The following DOK3 variants were observed in gnomAD, a reference collection of about 807,000 sequenced individuals.
DOK3 encodes the protein Dok-like protein.
A neutral mutation model predicts 26.2 loss-of-function variants in DOK3; 23 were observed. That is an observed-to-expected ratio of 0.88 (90% confidence interval 0.63 to 1.24). DOK3 has a LOEUF of 1.24. DOK3 is among the 50% of genes most tolerant of loss of function. DOK3 has a pLI of 0.00. For missense variants in DOK3, 619 were observed against 610.6 expected, an observed-to-expected ratio of 1.01 and a Z score of -0.15; for synonymous variants, 268 against 268.2, an observed-to-expected ratio of 1.00 and a Z score of 0.01.
chr5:177,507,394 G>A (rs1022198078), intron 3 of DOK3, among the ~76,000 whole-genome samples: 11 of 152,234 alleles, frequency 7.2e-5, no homozygotes, highest in Admixed American at 6.5e-4. Flanking sequence ...TCAGCTGATG[G>A]CCATGTAGGC....
At chr5:177,506,332 CTT>C (rs56332126) in intron 3 of DOK3, among the ~76,000 whole-genome samples, 4 of 140,962 alleles carry the variant, frequency 2.8e-5, no homozygotes, top group Admixed American at 7.1e-5. Context: ...AACCATCTTA[CTT>C]TTTTTTTTTT....
chr5:177,503,269 G>C lies in DOK3; in HGVS notation c.*714C>G. On this transcript the variant is annotated 3_prime_UTR_variant, in exon 6 of 6. Coordinates refer to ENST00000510898, the MANE Select transcript of DOK3 (RefSeq NM_001308236.3). ...CCAAGGCTGTCCTGAACACGGCTGT[G>C]TCCCCCAGCGCCTGGCACTGAGTAG... The C allele has an allele frequency of 2.6e-6, 4 of 1,551,224 alleles. No homozygotes were observed. The highest frequency in any genetic ancestry group is 2.6e-6 in the Non-Finnish European group (3 of 1,146,540).
chr5:177,504,704 G>C (rs772978458), intron 5 of DOK3, 39 bp downstream of exon 5: 5 of 1,613,840 alleles, frequency 3.1e-6, no homozygotes, highest in Non-Finnish European at 4.2e-6. Flanking sequence ...GAGGGTCCAG[G>C]GTGTCAGCCC....
In DOK3 at chr5:177,509,484, C is replaced by G; in HGVS notation, c.57G>C (p.Lys19Asn). 1 of 1,609,112 alleles carries G rather than the reference C, an allele frequency of 6.2e-7. No homozygotes were observed. The highest frequency in any genetic ancestry group is 8.5e-7 in the Non-Finnish European group (1 of 1,177,566). Residue 19 changes from lysine (K) to asparagine (N), a missense_variant, in exon 2 of 6, where the codon AAG becomes AAC. By Grantham distance (94) the Lys-to-Asn change is moderately conservative (BLOSUM62 0). Transcript: ENST00000510898. Reference protein sequence around the residue: ...KDGILYQQHVKFGKKCWRKVW... With the variant: ...KDGILYQQHVNFGKKCWRKVW... ...AGCCAGGGGTCCCCACCTTGCCAAA[C>G]TTGACATGCTGCTGGTAGAGGATGC...
chr5:177,503,332 C>G lies in DOK3; in HGVS notation c.*651G>C, dbSNP rs371005350. On this transcript the variant is annotated 3_prime_UTR_variant, in exon 6 of 6. Coordinates refer to ENST00000510898, the MANE Select transcript of DOK3 (RefSeq NM_001308236.3). ...CTCTCATCAAGGATTATGCCTGATA[C>G]GTCATCGGTTCTCTCTCCTTTACAG... 1.3e-6 allele frequency: 2 copies of G among 1,551,156 alleles called. No individual in the cohort carries two copies.
At position 177,503,020 on chromosome 5, in the gene DOK3, T is replaced by G. The variant is rs1759504188; in HGVS notation, c.*963A>C. 6 of 1,496,720 alleles carry G rather than the reference T, an allele frequency of 4.0e-6. No homozygotes were observed. Among genetic ancestry groups the G allele is most frequent in the Non-Finnish European group, 5.4e-6 (6 of 1,114,592 alleles). The allele number at this position is 1,496,720 out of a possible 1,614,324, so 92.7% of individuals were successfully genotyped here. On this transcript the variant is annotated 3_prime_UTR_variant, in exon 6 of 6. Transcript: ENST00000510898. ...GGCTTGGACAGGAGAGAGCAAAAATTGTGTGTCCGTCATGAAAATGAGGTT... is the reference window on the plus strand; with the variant it reads ...GGCTTGGACAGGAGAGAGCAAAAATGGTGTGTCCGTCATGAAAATGAGGTT...
intron 3 of DOK3, among the ~76,000 whole-genome samples, chr5:177,505,697 A>G (rs528442275): frequency 1.3e-5 from 2 of 152,144 alleles, no homozygotes; most frequent in East Asian, 3.9e-4. Flanking sequence ...ACTTGAGTGC[A>G]ATGGCGAGAT....
At chr5:177,506,981 C>T (rs557379001) in intron 3 of DOK3, among the ~76,000 whole-genome samples, 24 of 152,210 alleles carry the variant, frequency 1.6e-4, no homozygotes, top group African/African-American at 5.8e-4. Flanking sequence ...CCACCGCACC[C>T]GGCCACCAGT....
intron 3 of DOK3, among the ~76,000 whole-genome samples, chr5:177,507,270 G>A (rs1195050962): frequency 2.0e-5 from 3 of 151,622 alleles, no homozygotes; most frequent in Non-Finnish European, 4.4e-5. Flanking sequence ...TCCTACCTCA[G>A]CCTCCCAAAG....
rs1561716829 is a variant in DOK3, at chr5:177,504,514, G to A, written c.792C>T (p.Pro264=). The change falls in exon 6 of 6, where the codon CCC becomes CCT. Residue 264 remains proline (P), a synonymous_variant. Coordinates refer to ENST00000510898, the MANE Select transcript of DOK3 (RefSeq NM_001308236.3). Reference sequence around the variant, plus strand: ...TGGCCCGTGGCAGGGGGCAGGGCTGGGGCCTGGTCAGCTCTGGCAGCCGCT... The same window carrying A: ...TGGCCCGTGGCAGGGGGCAGGGCTGAGGCCTGGTCAGCTCTGGCAGCCGCT... ...QRERLPELTR[P]QPCPLPRATS... 2 of 1,590,454 alleles carry A rather than the reference G, an allele frequency of 1.3e-6. No homozygotes were observed. The highest frequency in any genetic ancestry group is 2.3e-5 in the East Asian group (1 of 44,338).
At position 177,508,357 on chromosome 5, in the gene DOK3, G is replaced by C. The variant is rs756218542; in HGVS notation, c.252C>G (p.Asp84Glu). Residue 84 changes from aspartate to glutamate, a missense_variant, in exon 3 of 6, where the codon GAC becomes GAG. Transcript: ENST00000510898. ...LADCVSVLPA[D>E]GESCPRDTGA... ...CGGTGTCCCGGGGGCAGCTCTCGCC[G>C]TCAGCCGGCAGCACGGACACACAGT... is the stretch of plus-strand genomic sequence containing the variant. The C allele has an allele frequency of 3.1e-6, 5 of 1,600,446 alleles. No individual in the cohort carries two copies. Among genetic ancestry groups the C allele is most frequent in the Non-Finnish European group, 4.2e-6 (5 of 1,178,590 alleles).
chr5:177,505,559 G>C (rs912493205), intron 3 of DOK3, among the ~76,000 whole-genome samples: 7 of 152,066 alleles, frequency 4.6e-5, no homozygotes, highest in African/African-American at 1.7e-4. Flanking sequence ...TTCCCACTCA[G>C]CTCCTCTACT....
rs1164068409 is a variant in DOK3, at chr5:177,503,631, C to T, written c.*352G>A. 16 of 1,298,720 alleles carry T rather than the reference C, an allele frequency of 1.2e-5. No individual in the cohort carries two copies. The highest frequency in any genetic ancestry group is 3.3e-5 in the South Asian group (2 of 59,870). The allele number at this position is 1,298,720 out of a possible 1,614,324, so 80.4% of individuals were successfully genotyped here. A position where few individuals can be genotyped will look rare whatever the true frequency, so the allele number is the denominator to read the frequency against. ...CATGGAGTCCTAATGATTTCCATCCCGTCTGTCTGCTGCAGTGGGTTTGAG... is the reference window on the plus strand; with the variant it reads ...CATGGAGTCCTAATGATTTCCATCCTGTCTGTCTGCTGCAGTGGGTTTGAG... On this transcript the variant is annotated 3_prime_UTR_variant, in exon 6 of 6. Transcript: ENST00000510898.
Position 177,504,495 on chromosome 5 carries a change from G to A in DOK3, c.811C>T (p.Arg271Trp), listed in dbSNP as rs774138250. 1.3e-5 allele frequency: 21 copies of A among 1,584,814 alleles called. No individual in the cohort carries two copies. Among genetic ancestry groups the A allele is most frequent in the Middle Eastern group, 1.7e-4 (1 of 5,894 alleles). Residue 271 changes from arginine (R) to tryptophan (W), a missense_variant, in exon 6 of 6, where the codon CGG becomes TGG. Arg to Trp is a moderately radical substitution (Grantham distance 101). Coordinates refer to ENST00000510898, the MANE Select transcript of DOK3 (RefSeq NM_001308236.3). ...TCCAGGGAGGGCAGAGAGGTGGCCC[G>A]TGGCAGGGGGCAGGGCTGGGGCCTG... is the stretch of plus-strand genomic sequence containing the variant. ...LTRPQPCPLPRATSLPSLDTP... is the reference protein window; with the variant it reads ...LTRPQPCPLPWATSLPSLDTP...
chr5:177,505,211 G>A, intron 3 of DOK3, 101 bp from the exon 4 acceptor site: 4 of 1,100,384 alleles, frequency 3.6e-6, no homozygotes, highest in Non-Finnish European at 3.9e-6. Flanking sequence ...GGCATCCAGG[G>A]GCCTGGGCTC....
Position 177,503,791 on chromosome 5 carries a change from A to G in DOK3, c.*192T>C. Reference sequence around the variant, plus strand: ...GCCGGGAGCTGCTCTGAGCTTTATTATCTGTGAGTCTGCACACTATTCATG... The same window carrying G: ...GCCGGGAGCTGCTCTGAGCTTTATTGTCTGTGAGTCTGCACACTATTCATG... On this transcript the variant is annotated 3_prime_UTR_variant, in exon 6 of 6. Transcript: ENST00000510898. 7.0e-7 allele frequency: 1 copy of G among 1,425,488 alleles called. No homozygotes were observed. Among genetic ancestry groups the G allele is most frequent in the Non-Finnish European group, 9.1e-7 (1 of 1,094,600 alleles). 88.3% of individuals were successfully genotyped at this position (1,425,488 alleles called of 1,614,324 possible). A position where few individuals can be genotyped will look rare whatever the true frequency, so the allele number is the denominator to read the frequency against.
chr5:177,508,341 G>T lies in DOK3; in HGVS notation c.268C>A (p.Arg90=). The T allele has an allele frequency of 6.3e-7, 1 of 1,597,276 alleles. No individual in the cohort carries two copies. ...VLPADGESCP[R]DTGAFLLTTT... ...GTGAGCAGGAAGGCACCGGTGTCCC[G>T]GGGGCAGCTCTCGCCGTCAGCCGGC... Residue 90 remains arginine (R), a synonymous_variant, in exon 3 of 6, where the codon CGG becomes AGG. Transcript: ENST00000510898.
chr5:177,508,345 G>A lies in DOK3; in HGVS notation c.264C>T (p.Cys88=). Residue 88 remains cysteine (C), a synonymous_variant, in exon 3 of 6, where the codon TGC becomes TGT. Transcript: ENST00000510898. ...VSVLPADGES[C]PRDTGAFLLT... is the part of the protein sequence containing the mutation. ...GCAGGAAGGCACCGGTGTCCCGGGGGCAGCTCTCGCCGTCAGCCGGCAGCA... is the reference window on the plus strand; with the variant it reads ...GCAGGAAGGCACCGGTGTCCCGGGGACAGCTCTCGCCGTCAGCCGGCAGCA... The A allele has an allele frequency of 1.3e-6, 2 of 1,599,014 alleles. No individual in the cohort carries two copies. The highest frequency in any genetic ancestry group is 8.5e-7 in the Non-Finnish European group (1 of 1,178,078).
chr5:177,503,037 A>C lies in DOK3; in HGVS notation c.*946T>G. On this transcript the variant is annotated 3_prime_UTR_variant, in exon 6 of 6. Transcript: ENST00000510898. The stretch of plus-strand genomic sequence containing the variant: ...GCAAAAATTGTGTGTCCGTCATGAA[A>C]ATGAGGTTCAGGATGTGCCAAGGGT... 1.3e-6 allele frequency: 2 copies of C among 1,513,000 alleles called. No homozygotes were observed. The highest frequency in any genetic ancestry group is 1.8e-6 in the Non-Finnish European group (2 of 1,123,274). The allele number at this position is 1,513,000 out of a possible 1,614,324, so 93.7% of individuals were successfully genotyped here. A position where few individuals can be genotyped will look rare whatever the true frequency, so the allele number is the denominator to read the frequency against.
Sources: allele counts gnomAD v4.1 joint callset (sites outside exome capture counted in the v4.1 genomes callset), GRCh38; gene constraint gnomAD v4.1.1; transcripts MANE v1.5; gene names NCBI Gene and HGNC (gene_info 2026-07-23, HGNC 2026-07-21).